The following XKR4 variants were observed in gnomAD, a reference collection of about 807,000 sequenced individuals.
XKR4 encodes the protein XK-related protein 4.
In XKR4, 12 loss-of-function variants were observed where a neutral mutation model predicts 53.9. That is an observed-to-expected ratio of 0.22 (90% CI 0.14 to 0.36). The LOEUF is 0.36. XKR4 is among the 10% of genes least tolerant of loss of function. The pLI is 1.00. For synonymous variants in XKR4, 354 were observed against 362.4 expected (o/e 0.98, Z 0.26); for missense variants, 799 against 859.5 (o/e 0.93, Z 0.88).
chr8:55,180,323 G>A (rs777018054), intron 1 of XKR4, among the ~76,000 whole-genome samples: 1 of 152,156 alleles, frequency 6.6e-6, no homozygotes, highest in Non-Finnish European at 1.5e-5. Context: ...TGCAGCTGCT[G>A]TATCCAAGTC....
At chr8:55,467,658 T>C (rs1805803466) in intron 2 of XKR4, among the ~76,000 whole-genome samples, 1 of 152,196 alleles carries the variant, frequency 6.6e-6, no homozygotes, top group Non-Finnish European at 1.5e-5. Context: ...ATCATTATGC[T>C]TAATCTTTGC....
At chr8:55,248,636 CT>C (rs995718380) in intron 1 of XKR4, among the ~76,000 whole-genome samples, 26 of 151,796 alleles carry the variant, frequency 1.7e-4, no homozygotes, top group Admixed American at 3.9e-4. Flanking sequence ...GGTTTTCTAA[CT>C]TTTTTTTTGC....
chr8:55,530,168 G>T lies in XKR4; in HGVS notation c.*5941G>T, dbSNP rs1361844920. ...AGAAGGAAGGAAGGAAGGAAGGAAG[G>T]AAGGAAGGAAGGAAGGAAGGAAGGA... is the stretch of plus-strand genomic sequence containing the variant. On this transcript the variant is annotated 3_prime_UTR_variant, in exon 3 of 3. Coordinates refer to ENST00000327381, the MANE Select transcript of XKR4 (RefSeq NM_052898.2). 3 of 131,508 alleles carry T rather than the reference G, an allele frequency of 2.3e-5. No individual in the cohort carries two copies. The highest frequency in any genetic ancestry group is 7.3e-5 in the Admixed American group (1 of 13,770). The allele number at this position is 131,508 out of a possible 1,614,324, so 8.1% of individuals were successfully genotyped here.
intron 1 of XKR4, among the ~76,000 whole-genome samples, chr8:55,242,363 C>T (rs540512415): frequency 1.3e-4 from 20 of 152,320 alleles, no homozygotes; most frequent in African/African-American, 3.6e-4. Flanking sequence ...CTTATCTCAG[C>T]TCCATCCCTG....
chr8:55,341,298 C>T (rs543611221), intron 1 of XKR4, among the ~76,000 whole-genome samples: 1 of 152,112 alleles, frequency 6.6e-6, no homozygotes, highest in Non-Finnish European at 1.5e-5. Context: ...AATTACATTA[C>T]CTGGCAGGTG....
chr8:55,271,143 A>C (rs1251099699), intron 1 of XKR4, among the ~76,000 whole-genome samples: 1 of 151,690 alleles, frequency 6.6e-6, no homozygotes, highest in African/African-American at 2.4e-5. Flanking sequence ...AAAACATTAC[A>C]ATTATGTTTG....
chr8:55,502,701 A>G (rs989487962), intron 2 of XKR4, among the ~76,000 whole-genome samples: 1 of 151,998 alleles, frequency 6.6e-6, no homozygotes, highest in Non-Finnish European at 1.5e-5. Context: ...GTATCCTTTG[A>G]TGTACAAAGA....
At chr8:55,190,234 A>T (rs16921351) in intron 1 of XKR4, among the ~76,000 whole-genome samples, 9,444 of 152,234 alleles carry the variant, frequency 0.062, 979 homozygotes, top group African/African-American at 0.21. Flanking sequence ...AGGAGGAAGG[A>T]CCATCAAGCC....
intron 2 of XKR4, among the ~76,000 whole-genome samples, chr8:55,378,558 T>G (rs1804183497): frequency 6.6e-6 from 1 of 152,168 alleles, no homozygotes; most frequent in African/African-American, 2.4e-5. Context: ...CCTGTGGGAA[T>G]GAGGCGGAGG....
At chr8:55,278,868 C>A (rs1018073046) in intron 1 of XKR4, among the ~76,000 whole-genome samples, 5 of 152,158 alleles carry the variant, frequency 3.3e-5, no homozygotes, top group Non-Finnish European at 7.3e-5. Flanking sequence ...TCTTCTCCAG[C>A]TTCTGTGGGC....
chr8:55,108,576 G>A (rs1816187242), intron 1 of XKR4, among the ~76,000 whole-genome samples: 1 of 152,058 alleles, frequency 6.6e-6, no homozygotes, highest in Admixed American at 6.6e-5. Flanking sequence ...AAACAAGTTG[G>A]TTGAAAGTTT....
In XKR4 at chr8:55,113,096, A is replaced by C. The variant is rs75783315; in HGVS notation, c.806+9802A>C. Among the ~76,000 whole-genome samples the C allele has an allele frequency of 7.1e-3, 1,077 of 152,232 alleles. 15 individuals are homozygous for C. The highest frequency in any genetic ancestry group is 0.025 in the African/African-American group (1,026 of 41,558). ...CTAAGGAAAGCACCAATATTAGTTG[A>C]GTTCTTACTTCTGAAAAGTCATAAA... On this transcript the variant is annotated intron_variant, in intron 1 of 2. Transcript: ENST00000327381.
intron 1 of XKR4, among the ~76,000 whole-genome samples, chr8:55,106,378 C>T (rs1369546463): frequency 6.6e-6 from 1 of 152,174 alleles, no homozygotes; most frequent in Non-Finnish European, 1.5e-5. Flanking sequence ...AAATTAATGG[C>T]AGCTTTTAAA....
At chr8:55,215,611 T>TA (rs1254092662) in intron 1 of XKR4, among the ~76,000 whole-genome samples, 1 of 152,192 alleles carries the variant, frequency 6.6e-6, no homozygotes, top group South Asian at 2.1e-4. Context: ...ACAAAAATGT[T>TA]AAAAAATCTG....
At chr8:55,397,853 C>T (rs2135544) in intron 2 of XKR4, among the ~76,000 whole-genome samples, 108,118 of 151,936 alleles carry the variant, frequency 0.71, 39,620 homozygotes, top group African/African-American at 0.89. Context: ...GTAGGACTCA[C>T]GGGCTACTCA....
chr8:55,442,857 G>GT (rs1295527589), intron 2 of XKR4, among the ~76,000 whole-genome samples: 21 of 151,980 alleles, frequency 1.4e-4, no homozygotes, highest in East Asian at 1.4e-3. Flanking sequence ...TAGAAATGTG[G>GT]TTTTTTTTGC....
intron 1 of XKR4, among the ~76,000 whole-genome samples, chr8:55,232,241 G>T (rs143180457): frequency 3.3e-5 from 5 of 152,184 alleles, no homozygotes; most frequent in Non-Finnish European, 5.9e-5. Flanking sequence ...GGGTGGGCAG[G>T]CAACTTGCCG....
intron 2 of XKR4, among the ~76,000 whole-genome samples, chr8:55,415,530 C>T (rs1292893152): frequency 6.6e-6 from 1 of 152,016 alleles, no homozygotes; most frequent in East Asian, 1.9e-4. Context: ...GGTGCTGAGT[C>T]TTTGGATAGA....
intron 1 of XKR4, among the ~76,000 whole-genome samples, chr8:55,321,639 A>G (rs1393873422): frequency 6.6e-6 from 1 of 152,218 alleles, no homozygotes; most frequent in Admixed American, 6.5e-5. Context: ...AAAAATGTAT[A>G]AACTAGATGA....
Sources: allele counts gnomAD v4.1 joint callset (sites outside exome capture counted in the v4.1 genomes callset), GRCh38; gene constraint gnomAD v4.1.1; transcripts MANE v1.5; gene names NCBI Gene and HGNC (gene_info 2026-07-23, HGNC 2026-07-21).